SEL1L2: variants seen among roughly 807,000 people sequenced by gnomAD.
SEL1L2 encodes protein sel-1 homolog 2.
Under a neutral mutation model 98.8 loss-of-function variants are expected in SEL1L2, and 89 were observed. That is an observed-to-expected ratio of 0.90 (90% CI 0.76 to 1.07). The LOEUF (loss-of-function observed/expected upper bound fraction) is 1.07, where lower values mean the gene tolerates loss of function less well. Ranked by LOEUF, SEL1L2 falls within the 50% of genes least tolerant of loss-of-function variation. The pLI is 0.00. For synonymous variants in SEL1L2, 262 were observed against 278.5 expected (o/e 0.94, Z 0.59); for missense variants, 788 against 812.0 (o/e 0.97, Z 0.36).
At chr20:13,875,089 A>T (rs1363484660) in intron 12 of SEL1L2, among the ~76,000 whole-genome samples, 1 of 152,204 alleles carries the variant, frequency 6.6e-6, no homozygotes, top group Non-Finnish European at 1.5e-5. Flanking sequence ...CGTCCCTCAT[A>T]CAGCTAATTC....
At chr20:13,907,444 T>C (rs568122163) in intron 5 of SEL1L2, among the ~76,000 whole-genome samples, 126 of 152,108 alleles carry the variant, frequency 8.3e-4, no homozygotes, top group Non-Finnish European at 1.1e-3. Context: ...TGGCCTATGC[T>C]TGCAGTCCTA....
chr20:13,867,169 T>C (rs1991176119), intron 14 of SEL1L2, among the ~76,000 whole-genome samples: 1 of 152,200 alleles, frequency 6.6e-6, no homozygotes, highest in African/African-American at 2.4e-5. Flanking sequence ...TGATGGTCTC[T>C]GAGGACCCGA....
chr20:13,940,958 C>T (rs1048415849), intron 2 of SEL1L2, among the ~76,000 whole-genome samples: 5 of 152,006 alleles, frequency 3.3e-5, no homozygotes, highest in African/African-American at 1.2e-4. Context: ...GTCAACTAGG[C>T]GAAGGATGAT....
At chr20:13,984,114 T>G (rs1013752870) in intron 1 of SEL1L2, among the ~76,000 whole-genome samples, 1 of 151,626 alleles carries the variant, frequency 6.6e-6, no homozygotes, top group Admixed American at 6.6e-5. Context: ...TGGGTTCATG[T>G]GATTCTCCTG....
At chr20:13,920,220 T>A (rs1395893372) in intron 3 of SEL1L2, among the ~76,000 whole-genome samples, 2 of 87,568 alleles carry the variant, frequency 2.3e-5, no homozygotes, top group Non-Finnish European at 4.5e-5. Flanking sequence ...AGAGCGAGAC[T>A]CCGTCCCAAA....
intron 1 of SEL1L2, among the ~76,000 whole-genome samples, chr20:13,980,356 C>T (rs978060196): frequency 1.4e-4 from 22 of 152,276 alleles, no homozygotes; most frequent in African/African-American, 5.3e-4. Context: ...GCTGGGATTA[C>T]AGGCATGTGC....
intron 12 of SEL1L2, among the ~76,000 whole-genome samples, chr20:13,875,261 T>A (rs1447228921): frequency 6.6e-6 from 1 of 152,176 alleles, no homozygotes; most frequent in Admixed American, 6.5e-5. Flanking sequence ...TGTGCCAGCA[T>A]GCCAGGCTAA....
intron 5 of SEL1L2, among the ~76,000 whole-genome samples, chr20:13,903,327 G>T (rs888762853): frequency 1.3e-5 from 2 of 151,954 alleles, no homozygotes; most frequent in African/African-American, 4.8e-5. Flanking sequence ...ACTTTCTCAC[G>T]GTTCCTCCTC....
At chr20:13,916,062 A>C (rs1403003591) in intron 4 of SEL1L2, among the ~76,000 whole-genome samples, 1 of 152,194 alleles carries the variant, frequency 6.6e-6, no homozygotes, top group East Asian at 1.9e-4. Context: ...TCACTCAGAC[A>C]AATTTGTTCT....
At chr20:13,952,785 C>G (rs908108401) in intron 2 of SEL1L2, among the ~76,000 whole-genome samples, 1 of 152,128 alleles carries the variant, frequency 6.6e-6, no homozygotes, top group Non-Finnish European at 1.5e-5. Context: ...AATCCCAGCA[C>G]TTTGGGAGGC....
chr20:13,994,157 A>T (rs1175275894), upstream of SEL1L2, among the ~76,000 whole-genome samples: 2 of 152,038 alleles, frequency 1.3e-5, no homozygotes, highest in African/African-American at 4.8e-5. Context: ...TTAGCCAGGC[A>T]TGGTGGCGCA....
intron 1 of SEL1L2, among the ~76,000 whole-genome samples, chr20:13,978,456 A>T (rs2051648188): frequency 6.6e-6 from 1 of 152,218 alleles, no homozygotes. Flanking sequence ...ACATTTAAAC[A>T]CTGTTAGTGG....
intron 18 of SEL1L2, among the ~76,000 whole-genome samples, chr20:13,858,999 C>T (rs562097633): frequency 6.6e-6 from 1 of 152,312 alleles, no homozygotes; most frequent in African/African-American, 2.4e-5. Context: ...AAAGCAGGAA[C>T]TTACTAGTTG....
chr20:13,958,994 G>A (rs1387035967), intron 1 of SEL1L2, among the ~76,000 whole-genome samples: 1 of 151,812 alleles, frequency 6.6e-6, no homozygotes, highest in Admixed American at 6.6e-5. Flanking sequence ...GGCGGCCATC[G>A]GAAATTGACA....
intron 5 of SEL1L2, among the ~76,000 whole-genome samples, chr20:13,902,557 T>G (rs887691896): frequency 3.3e-5 from 5 of 152,160 alleles, no homozygotes; most frequent in African/African-American, 1.2e-4. Flanking sequence ...GGGAGCCTAT[T>G]TGAGTTGGAT....
At chr20:13,920,142 C>T (rs929997739) in intron 3 of SEL1L2, among the ~76,000 whole-genome samples, 2 of 149,022 alleles carry the variant, frequency 1.3e-5, no homozygotes, top group Non-Finnish European at 3.0e-5. Flanking sequence ...ATGGGAGGAT[C>T]CCTTGAACTC....
At chr20:13,877,370 G>A in intron 11 of SEL1L2, 150 bp downstream of exon 11, 1 of 548,850 alleles carries the variant, frequency 1.8e-6, no homozygotes, top group Admixed American at 3.3e-5. Context: ...TGAGGGTCTT[G>A]CCGTGTTGCC....
intron 1 of SEL1L2, among the ~76,000 whole-genome samples, chr20:13,979,481 A>G (rs368114926): frequency 2.0e-5 from 3 of 152,236 alleles, no homozygotes; most frequent in Non-Finnish European, 2.9e-5. Context: ...CACATTATAT[A>G]TATGTACTGA....
chr20:13,861,173 T>TA (rs1011734020), intron 17 of SEL1L2, among the ~76,000 whole-genome samples: 1 of 151,874 alleles, frequency 6.6e-6, no homozygotes, highest in Non-Finnish European at 1.5e-5. Context: ...TCTTTTTTTT[T>TA]ATTTTTATTT....
Sources: allele counts gnomAD v4.1 joint callset (sites outside exome capture counted in the v4.1 genomes callset), GRCh38; gene constraint gnomAD v4.1.1; transcripts MANE v1.5; gene names NCBI Gene and HGNC (gene_info 2026-07-23, HGNC 2026-07-21).